Variants in CHD1L observed in about 807,000 individuals in gnomAD.
CHD1L encodes ATP-dependent chromatin remodeler CHD1L.
CHD1L carries 118 observed loss-of-function variants against 115.9 expected under a neutral mutation model. That is an observed-to-expected ratio of 1.02 (90% CI 0.88 to 1.19). The LOEUF is 1.19. Ranked by LOEUF, CHD1L falls within the 50% of genes most tolerant of loss-of-function variation. The pLI, the probability that CHD1L is intolerant of heterozygous loss-of-function variation, is 0.00. For missense variants in CHD1L, 1,179 were observed against 1,065.3 expected (o/e 1.11, Z -1.49); for synonymous variants, 411 against 387.1 (o/e 1.06, Z -0.72).
chr1:147,289,549 A>T (rs1240582317), intron 19 of CHD1L, among the ~76,000 whole-genome samples: 1 of 152,094 alleles, frequency 6.6e-6, no homozygotes, highest in Admixed American at 6.6e-5. Context: ...GGAAATGGAG[A>T]TGAGAGTGTG....
At chr1:147,253,978 G>A (rs1488355673) in intron 2 of CHD1L, among the ~76,000 whole-genome samples, 1 of 151,972 alleles carries the variant, frequency 6.6e-6, no homozygotes, top group Admixed American at 6.6e-5. Flanking sequence ...TCCCCTTTTT[G>A]TGCTGTTTAA....
chr1:147,180,642 G>A, the CHD1L span, among the ~76,000 whole-genome samples: 1 of 152,134 alleles, frequency 6.6e-6, no homozygotes, highest in Non-Finnish European at 1.5e-5. Context: ...AAAGGAAGAT[G>A]CCAGTTTGAA....
the CHD1L span, chr1:147,179,691 A>C: frequency 1.3e-5 from 11 of 855,122 alleles, no homozygotes; most frequent in Admixed American, 2.2e-4. Flanking sequence ...ACCACTGGGG[A>C]GGACTAGGAC....
chr1:147,224,825 A>G, the CHD1L span: 16 of 1,499,810 alleles, frequency 1.1e-5, no homozygotes, highest in African/African-American at 2.8e-5. Context: ...GACACTGTTA[A>G]GATAAACTGT....
intron 19 of CHD1L, among the ~76,000 whole-genome samples, chr1:147,289,052 T>C (rs1221572373): frequency 6.6e-6 from 1 of 152,170 alleles, no homozygotes; most frequent in Non-Finnish European, 1.5e-5. Context: ...GAAAGGGATA[T>C]AAGAACTTAG....
chr1:147,242,893 GCCGGGGGCGCAGCGGGTGGGCCGC>G (rs1296151603), intron 1 of CHD1L, 63 bp downstream of exon 1: 3 of 1,241,274 alleles, frequency 2.4e-6, no homozygotes, highest in Middle Eastern at 2.6e-4. Context: ...CCTCTTGCGG[GCCGGGGGCGCAGCGGGTGGGCCGC>G]CCGGTGGGCA....
chr1:147,205,902 C>T, the CHD1L span, among the ~76,000 whole-genome samples: 2 of 152,070 alleles, frequency 1.3e-5, no homozygotes, highest in African/African-American at 2.4e-5. Flanking sequence ...CAACAAAAGC[C>T]AAAATTGACA....
intron 1 of CHD1L, 112 bp from the exon 2 acceptor site, chr1:147,252,511 G>A (rs2102360947): frequency 1.3e-6 from 1 of 768,240 alleles, no homozygotes; most frequent in Non-Finnish European, 2.2e-6. Flanking sequence ...CGTCCAGTGA[G>A]GTTTAGGGTT....
the CHD1L span, among the ~76,000 whole-genome samples, chr1:147,213,673 G>A: frequency 6.6e-6 from 1 of 152,172 alleles, no homozygotes; most frequent in Non-Finnish European, 1.5e-5. Flanking sequence ...AAATAACATA[G>A]TGTTGGCAGG....
chr1:147,250,877 A>G (rs942070688), intron 1 of CHD1L, among the ~76,000 whole-genome samples: 1 of 151,992 alleles, frequency 6.6e-6, no homozygotes, highest in East Asian at 1.9e-4. Flanking sequence ...TCCACGTGTC[A>G]AGGGTGGTGC....
intron 21 of CHD1L, 43 bp from the exon 22 acceptor site, chr1:147,294,366 A>C (rs375131986): frequency 1.4e-6 from 2 of 1,444,608 alleles, no homozygotes; most frequent in East Asian, 2.4e-5. Flanking sequence ...CCCATCAATC[A>C]ATTTTTGATG....
chr1:147,267,348 T>C, intron 8 of CHD1L, 78 bp from the exon 9 acceptor site: 1 of 1,050,224 alleles, frequency 9.5e-7, no homozygotes, highest in Non-Finnish European at 1.4e-6. Flanking sequence ...AGGTTACTTG[T>C]AAAAACTCAG....
the CHD1L span, among the ~76,000 whole-genome samples, chr1:147,182,188 G>A: frequency 2.0e-5 from 3 of 152,060 alleles, no homozygotes; most frequent in Non-Finnish European, 4.4e-5. Flanking sequence ...GACACATTTT[G>A]TAGTCTCCCT....
At chr1:147,284,059 T>A (rs1445196221) in intron 15 of CHD1L, among the ~76,000 whole-genome samples, 1 of 152,188 alleles carries the variant, frequency 6.6e-6, no homozygotes, top group Admixed American at 6.5e-5. Flanking sequence ...TGGGAATAAA[T>A]GAATGAGGAA....
chr1:147,237,041 T>TG, the CHD1L span, among the ~76,000 whole-genome samples: 4 of 94,650 alleles, frequency 4.2e-5, no homozygotes, highest in Non-Finnish European at 7.4e-5. Flanking sequence ...GAGGCTGAGC[T>TG]GCCCCAGCAC....
the CHD1L span, among the ~76,000 whole-genome samples, chr1:147,195,153 C>T: frequency 2.6e-5 from 4 of 152,228 alleles, no homozygotes; most frequent in East Asian, 3.9e-4. Context: ...ACCAATCCGA[C>T]GTAGATTTGG....
At chr1:147,255,785 G>T in intron 3 of CHD1L, 28 bp from the exon 4 acceptor site, 1 of 1,508,296 alleles carries the variant, frequency 6.6e-7, no homozygotes, top group Non-Finnish European at 9.2e-7. Context: ...TAGTATTTAT[G>T]TTTATCTACT....
chr1:147,291,425 A>G, intron 19 of CHD1L, 57 bp from the exon 20 acceptor site: 1 of 1,372,532 alleles, frequency 7.3e-7, no homozygotes, highest in Non-Finnish European at 1.0e-6. Context: ...TACGAGGAGG[A>G]TTCATTCATT....
chr1:147,285,656 C>CAGTGTAT (rs1343989202), intron 17 of CHD1L, among the ~76,000 whole-genome samples, 169 bp downstream of exon 17: 8 of 152,132 alleles, frequency 5.3e-5, no homozygotes, highest in Non-Finnish European at 1.2e-4. Flanking sequence ...TGAAAAGTCT[C>CAGTGTAT]AGTGTATAAG....
Sources: allele counts gnomAD v4.1 joint callset (sites outside exome capture counted in the v4.1 genomes callset), GRCh38; gene constraint gnomAD v4.1.1; transcripts MANE v1.5; gene names NCBI Gene and HGNC (gene_info 2026-07-23, HGNC 2026-07-21).